The following AGBL3 variants were observed in gnomAD, a reference collection of about 807,000 sequenced individuals.
The protein encoded by AGBL3 is cytosolic carboxypeptidase 3.
A neutral mutation model predicts 94.5 loss-of-function variants in AGBL3; 68 were observed. That is an observed-to-expected ratio of 0.72 (90% CI 0.59 to 0.88). The LOEUF (loss-of-function observed/expected upper bound fraction) is 0.88, where lower values mean the gene tolerates loss of function less well. Ranked by LOEUF, AGBL3 falls within the 40% of genes least tolerant of loss-of-function variation. The pLI, the probability that AGBL3 is intolerant of heterozygous loss-of-function variation, is 0.00. For synonymous variants in AGBL3, 354 were observed against 370.7 expected (o/e 0.95, Z 0.52); for missense variants, 934 against 1,103.8 (o/e 0.85, Z 2.18).
At position 135,127,605 on chromosome 7, in the gene AGBL3, A is replaced by G. The variant is rs180848378; in HGVS notation, c.2343-7236A>G. Among the ~76,000 whole-genome samples the G allele has an allele frequency of 5.3e-4, 81 of 152,322 alleles. No individual in the cohort carries two copies. The East Asian group carries it at 0.012, about 23-fold the overall frequency. ...ATCACACTGATCATCAGAGAAACGT[A>G]AATCAAAACCACAATGAGATACCAT... is the stretch of plus-strand genomic sequence containing the variant. On this transcript the variant is annotated intron_variant, in intron 16 of 16. Coordinates refer to ENST00000436302, the MANE Select transcript of AGBL3 (RefSeq NM_178563.4).
At chr7:135,118,864 C>T (rs1458411313) in intron 16 of AGBL3, among the ~76,000 whole-genome samples, 1 of 151,686 alleles carries the variant, frequency 6.6e-6, no homozygotes, top group East Asian at 1.9e-4. Flanking sequence ...AAAAATACCA[C>T]TGAAATTTTA....
chr7:134,987,755 A>G, intron 1 of AGBL3, 120 bp from the exon 2 acceptor site: 1 of 533,014 alleles, frequency 1.9e-6, no homozygotes, highest in East Asian at 3.5e-5. Context: ...TTGTATTCTA[A>G]TTAGTTTTTA....
At chr7:135,070,865 G>A (rs1819841898) in intron 12 of AGBL3, among the ~76,000 whole-genome samples, 1 of 152,138 alleles carries the variant, frequency 6.6e-6, no homozygotes, top group Non-Finnish European at 1.5e-5. Flanking sequence ...AGTGTTGGAA[G>A]TTCTGGCCAG....
chr7:134,986,595 C>CCGCGAGAT lies in AGBL3; in HGVS notation c.-156_-149dup, dbSNP rs60980155. 2 of 150,938 alleles carry CCGCGAGAT rather than the reference C, an allele frequency of 1.3e-5. No homozygotes were observed. Among genetic ancestry groups the CCGCGAGAT allele is most frequent in the Non-Finnish European group, 3.0e-5 (2 of 67,446 alleles). 9.3% of individuals were successfully genotyped at this position (150,938 alleles called of 1,614,324 possible). A position where few individuals can be genotyped will look rare whatever the true frequency, so the allele number is the denominator to read the frequency against. On this transcript the variant is annotated 5_prime_UTR_variant, in exon 1 of 17. Coordinates refer to ENST00000436302, the MANE Select transcript of AGBL3 (RefSeq NM_178563.4). ...TTCTAGCGGCTGGATACCGGGTTCTCCGCGAGATCGCGAGATCCCGAGATA... is the reference window on the plus strand; with the variant it reads ...TTCTAGCGGCTGGATACCGGGTTCTCCGCGAGATCGCGAGATCGCGAGATCCCGAGATA...
chr7:135,134,851 G>T lies in AGBL3; in HGVS notation c.2353G>T (p.Ala785Ser). The change falls in exon 17 of 17, where the codon GCT (alanine) becomes TCT (serine). Residue 785 changes from alanine to serine, a missense_variant. Transcript: ENST00000436302. Reference sequence around the variant, plus strand: ...TCATTTCTTTTCTAGACTAAATCCGGCTACTTGCAGAAATATAAAGAAATA... The same window carrying T: ...TCATTTCTTTTCTAGACTAAATCCGTCTACTTGCAGAAATATAAAGAAATA... ...NFQIQHQLNP[A>S]TCRNIKKYST... 1 of 1,549,442 alleles carries T rather than the reference G, an allele frequency of 6.5e-7. No homozygotes were observed. The highest frequency in any genetic ancestry group is 1.2e-5 in the South Asian group (1 of 83,928).
intron 15 of AGBL3, among the ~76,000 whole-genome samples, chr7:135,098,945 A>C (rs1823341994): frequency 6.6e-6 from 1 of 152,186 alleles, no homozygotes; most frequent in Non-Finnish European, 1.5e-5. Context: ...AGAGGAGAGA[A>C]ACATTATAAA....
chr7:135,008,644 AC>A (rs1812712343), intron 4 of AGBL3, among the ~76,000 whole-genome samples: 1 of 151,944 alleles, frequency 6.6e-6, no homozygotes, highest in South Asian at 2.1e-4. Flanking sequence ...GATGAATTGA[AC>A]TTTATCAAAA....
At chr7:135,018,409 G>A (rs1242479745) in intron 5 of AGBL3, among the ~76,000 whole-genome samples, 1 of 152,146 alleles carries the variant, frequency 6.6e-6, no homozygotes, top group East Asian at 1.9e-4. Context: ...GGAACCTCTG[G>A]GGCAGTCAAT....
intron 15 of AGBL3, among the ~76,000 whole-genome samples, chr7:135,088,951 A>T (rs1821552442): frequency 6.6e-6 from 1 of 152,088 alleles, no homozygotes; most frequent in African/African-American, 2.4e-5. Context: ...TTATTTCAAG[A>T]AATTGGTTTT....
chr7:134,993,779 C>A, intron 4 of AGBL3, 101 bp downstream of exon 4: 2 of 959,498 alleles, frequency 2.1e-6, no homozygotes, highest in East Asian at 3.1e-5. Flanking sequence ...CAGCACATTC[C>A]AACAGAAATA....
intron 11 of AGBL3, among the ~76,000 whole-genome samples, chr7:135,055,920 G>A (rs977739784): frequency 1.3e-5 from 2 of 151,914 alleles, no homozygotes; most frequent in South Asian, 2.1e-4. Flanking sequence ...TTATCAATTC[G>A]ATTTCTTTAA....
chr7:135,095,769 A>C (rs1261419715), intron 15 of AGBL3, among the ~76,000 whole-genome samples: 1 of 152,160 alleles, frequency 6.6e-6, no homozygotes, highest in African/African-American at 2.4e-5. Context: ...TTTGCTGCTC[A>C]CAATAATGGA....
At chr7:135,048,980 T>C (rs1198992985) in intron 11 of AGBL3, among the ~76,000 whole-genome samples, 2 of 151,758 alleles carry the variant, frequency 1.3e-5, no homozygotes, top group African/African-American at 2.4e-5. Context: ...TTCAGTTTTT[T>C]ACCTTCAGTG....
At chr7:135,107,919 A>T (rs1345373069) in intron 15 of AGBL3, among the ~76,000 whole-genome samples, 5 of 151,952 alleles carry the variant, frequency 3.3e-5, no homozygotes, top group South Asian at 4.2e-4. Flanking sequence ...ATATATTTAG[A>T]ATACTTAGGT....
intron 15 of AGBL3, chr7:135,101,391 G>T: frequency 2.7e-6 from 1 of 365,308 alleles, no homozygotes; most frequent in Non-Finnish European, 5.4e-6. Flanking sequence ...TTTGTAAAAG[G>T]ATGAGATTGA....
chr7:135,090,143 G>A (rs1287037073), intron 15 of AGBL3, among the ~76,000 whole-genome samples: 1 of 152,172 alleles, frequency 6.6e-6, no homozygotes, highest in African/African-American at 2.4e-5. Flanking sequence ...TGATAACCCA[G>A]ATTCCAGTGG....
At chr7:135,074,004 G>C (rs1199499547) in intron 12 of AGBL3, among the ~76,000 whole-genome samples, 2 of 151,622 alleles carry the variant, frequency 1.3e-5, no homozygotes, top group African/African-American at 4.8e-5. Context: ...AATGTACAAT[G>C]TGGTGACTAT....
chr7:135,008,189 A>G (rs1311494253), intron 4 of AGBL3, among the ~76,000 whole-genome samples: 2 of 152,038 alleles, frequency 1.3e-5, no homozygotes, highest in African/African-American at 4.8e-5. Context: ...AAAAAGAAAA[A>G]AAAACTTAAG....
intron 12 of AGBL3, among the ~76,000 whole-genome samples, chr7:135,074,962 A>G (rs988002955): frequency 9.7e-5 from 4 of 41,132 alleles, no homozygotes; most frequent in Non-Finnish European, 1.3e-4. Context: ...TTAAAGAATA[A>G]ACAGATGAAA....
Sources: allele counts gnomAD v4.1 joint callset (sites outside exome capture counted in the v4.1 genomes callset), GRCh38; gene constraint gnomAD v4.1.1; transcripts MANE v1.5; gene names NCBI Gene and HGNC (gene_info 2026-07-23, HGNC 2026-07-21).